Variants in NRF1 observed in about 807,000 individuals in gnomAD.
NRF1 encodes the protein alpha palindromic-binding protein.
In NRF1, 5 loss-of-function variants were observed where a neutral mutation model predicts 58.5. The ratio of observed to expected loss-of-function variants is 0.09; its 90% CI spans 0.04 to 0.18. The LOEUF is 0.18. Among genes scored for constraint, NRF1 ranks in the 10% least tolerant of loss-of-function variants. The probability of loss-of-function intolerance (pLI) is 1.00; values close to 1 mark genes in which losing one functional copy is unlikely to be tolerated. For synonymous variants in NRF1, 224 were observed against 246.7 expected (o/e 0.91, Z 0.86); for missense variants, 288 against 657.7 (o/e 0.44, Z 6.15).
In NRF1 at chr7:129,666,666, G is replaced by A. The variant is rs143693335; in HGVS notation, c.224-4763G>A. On this transcript the variant is annotated intron_variant, in intron 2 of 10. Coordinates refer to ENST00000393232, the MANE Select transcript of NRF1 (RefSeq NM_005011.5). ...CCTGCCTCAGCCTCCTGAGTAGCTG[G>A]GACTAGAGGCACACACCACCATACC... is the stretch of plus-strand genomic sequence containing the variant. 8.3e-3 allele frequency among the ~76,000 whole-genome samples: 1,270 copies of A among 152,122 alleles called. 8 individuals are homozygous for A. Among genetic ancestry groups the A allele is most frequent in the Non-Finnish European group, 0.014 (925 of 68,006 alleles).
At chr7:129,680,137 C>G (rs1039467679) in intron 4 of NRF1, among the ~76,000 whole-genome samples, 1 of 151,992 alleles carries the variant, frequency 6.6e-6, no homozygotes, top group African/African-American at 2.4e-5. Flanking sequence ...GTAGAAATGT[C>G]CAACAAGCAC....
rs182225796 is a variant in NRF1, at chr7:129,623,022, A to G, written c.-7+11198A>G. On this transcript the variant is annotated intron_variant, in intron 1 of 10. Coordinates refer to ENST00000393232, the MANE Select transcript of NRF1 (RefSeq NM_005011.5). Reference sequence around the variant, plus strand: ...ATATTTTTAAATTTTCTCTCCTAATACATATTTGTTGAGGAAATGCTTACC... The same window carrying G: ...ATATTTTTAAATTTTCTCTCCTAATGCATATTTGTTGAGGAAATGCTTACC... Among the ~76,000 whole-genome samples, 5 of 152,224 alleles carry G rather than the reference A, an allele frequency of 3.3e-5. No individual in the cohort carries two copies. The East Asian group carries it at 9.7e-4, about 30-fold the overall frequency.
intron 4 of NRF1, among the ~76,000 whole-genome samples, chr7:129,683,294 T>A (rs886285271): frequency 1.7e-5 from 2 of 114,290 alleles, no homozygotes; most frequent in African/African-American, 8.7e-5. Flanking sequence ...GGAGAGTGTG[T>A]GTGTGTGTGT....
Position 129,661,171 on chromosome 7 carries a change from G to A in NRF1, c.223+3597G>A, listed in dbSNP as rs931792952. 2.8e-4 allele frequency among the ~76,000 whole-genome samples: 42 copies of A among 151,286 alleles called. 3 individuals are homozygous for A. The highest frequency in any genetic ancestry group is 1.0e-3 in the African/African-American group (42 of 40,566). ...ATACAGGGCACCAAGCCCCTAGGCTGTGCCCAGCACAGGGACCCTGGGCCC... is the reference window on the plus strand; with the variant it reads ...ATACAGGGCACCAAGCCCCTAGGCTATGCCCAGCACAGGGACCCTGGGCCC... On this transcript the variant is annotated intron_variant, in intron 2 of 10. Transcript: ENST00000393232.
chr7:129,615,218 T>A (rs1272559039), intron 1 of NRF1, among the ~76,000 whole-genome samples: 1 of 152,220 alleles, frequency 6.6e-6, no homozygotes, highest in Non-Finnish European at 1.5e-5. Flanking sequence ...CTGTCAGATG[T>A]CTTTAGACAA....
At chr7:129,699,915 A>G (rs1396590906) in intron 5 of NRF1, among the ~76,000 whole-genome samples, 1 of 151,226 alleles carries the variant, frequency 6.6e-6, no homozygotes, top group Non-Finnish European at 1.5e-5. Flanking sequence ...CAAGGCGGGC[A>G]GATCACGAGG....
Position 129,756,073 on chromosome 7 carries a change from AGTGCGTGCGTGTAAGTGTGCTTGT to A in NRF1, c.*896_*919del, listed in dbSNP as rs1804245815. On this transcript the variant is annotated 3_prime_UTR_variant, in exon 11 of 11. Coordinates refer to ENST00000393232, the MANE Select transcript of NRF1 (RefSeq NM_005011.5). ...TAACCGAAGTATTAGGGGTTTGAGG[AGTGCGTGCGTGTAAGTGTGCTTGT>A]GTGTGTGCGTGCATGGTGGGGGAGA... 1 of 148,276 alleles carries A rather than the reference AGTGCGTGCGTGTAAGTGTGCTTGT, an allele frequency of 6.7e-6. No homozygotes were observed. The highest frequency in any genetic ancestry group is 1.5e-5 in the Non-Finnish European group (1 of 67,132). 9.2% of individuals were successfully genotyped at this position (148,276 alleles called of 1,614,324 possible). A position where few individuals can be genotyped will look rare whatever the true frequency, so the allele number is the denominator to read the frequency against.
At chr7:129,611,852 C>T (rs898494047) in intron 1 of NRF1, 28 bp downstream of exon 1, 1 of 161,038 alleles carries the variant, frequency 6.2e-6, no homozygotes, top group African/African-American at 2.4e-5. Context: ...CAATCTCCAG[C>T]TATTTCAGCC....
chr7:129,748,004 G>A (rs909112549), intron 10 of NRF1, among the ~76,000 whole-genome samples: 2 of 152,006 alleles, frequency 1.3e-5, no homozygotes, highest in Non-Finnish European at 2.9e-5. Context: ...GGCCGGGCGC[G>A]GTGGCTCATG....
At chr7:129,740,953 C>T (rs904297913) in intron 10 of NRF1, among the ~76,000 whole-genome samples, 8 of 152,144 alleles carry the variant, frequency 5.3e-5, no homozygotes, top group African/African-American at 1.9e-4. Flanking sequence ...TAAGCCATGA[C>T]CATGTCCTTC....
At chr7:129,628,456 TGTACATG>T (rs1209232613) in intron 1 of NRF1, among the ~76,000 whole-genome samples, 1 of 152,298 alleles carries the variant, frequency 6.6e-6, no homozygotes, top group Admixed American at 6.5e-5. Flanking sequence ...AAAATAACCC[TGTACATG>T]TTAAAAAGTT....
At chr7:129,673,673 CG>C (rs1802105551) in intron 3 of NRF1, among the ~76,000 whole-genome samples, 1 of 142,532 alleles carries the variant, frequency 7.0e-6, no homozygotes, top group Non-Finnish European at 1.5e-5. Context: ...GCGGAGATCG[CG>C]CCACAGCACT....
chr7:129,733,745 C>T (rs1803641328), intron 10 of NRF1, among the ~76,000 whole-genome samples: 1 of 151,572 alleles, frequency 6.6e-6, no homozygotes, highest in Non-Finnish European at 1.5e-5. Flanking sequence ...TAGTGGAGGC[C>T]CGACAAAGTA....
chr7:129,634,023 T>C (rs1271797142), intron 1 of NRF1, among the ~76,000 whole-genome samples: 1 of 108,834 alleles, frequency 9.2e-6, no homozygotes, highest in Non-Finnish European at 1.8e-5. Flanking sequence ...TTTTTACATC[T>C]GTATTTAAAA....
rs1320017563 is a variant in NRF1, at chr7:129,755,720, G to C, written c.*539G>C. ...TGCGTTGAGCTACTGACAAACTCAGGCGGAGGTGACCATGCCCTTCACCAA... is the reference window on the plus strand; with the variant it reads ...TGCGTTGAGCTACTGACAAACTCAGCCGGAGGTGACCATGCCCTTCACCAA... On this transcript the variant is annotated 3_prime_UTR_variant, in exon 11 of 11. Coordinates refer to ENST00000393232, the MANE Select transcript of NRF1 (RefSeq NM_005011.5). This position sits in a 1 kb window ranked among gnomAD's most constrained non-coding sequence, Gnocchi z 5.8. 1.3e-5 allele frequency: 2 copies of C among 152,708 alleles called. No homozygotes were observed. The highest frequency in any genetic ancestry group is 2.9e-5 in the Non-Finnish European group (2 of 68,120). 9.5% of individuals were successfully genotyped at this position (152,708 alleles called of 1,614,324 possible).
At chr7:129,723,534 G>A (rs539929721) in intron 9 of NRF1, among the ~76,000 whole-genome samples, 44 of 151,788 alleles carry the variant, frequency 2.9e-4, no homozygotes, top group Admixed American at 7.9e-4. Flanking sequence ...TAAGGGCCTA[G>A]GTACTAAAAA....
chr7:129,624,305 G>A (rs1441639804), intron 1 of NRF1, among the ~76,000 whole-genome samples: 2 of 152,074 alleles, frequency 1.3e-5, no homozygotes, highest in Admixed American at 6.6e-5. Context: ...CTTGATATAT[G>A]TCTGTTCCAC....
chr7:129,715,507 A>T (rs1490251525), intron 8 of NRF1, among the ~76,000 whole-genome samples: 2 of 152,180 alleles, frequency 1.3e-5, no homozygotes, highest in East Asian at 3.8e-4. Flanking sequence ...ACACTTTAAA[A>T]AATTAGTTTC....
intron 2 of NRF1, among the ~76,000 whole-genome samples, chr7:129,667,450 T>C (rs541975584): frequency 6.6e-6 from 1 of 152,268 alleles, no homozygotes; most frequent in East Asian, 1.9e-4. Flanking sequence ...AACTCAGTTT[T>C]TTGGTCTTTT....
Sources: allele counts gnomAD v4.1 joint callset (sites outside exome capture counted in the v4.1 genomes callset), GRCh38; gene constraint gnomAD v4.1.1; non-coding constraint Gnocchi (gnomAD v3.1); transcripts MANE v1.5; gene names NCBI Gene and HGNC (gene_info 2026-07-23, HGNC 2026-07-21).